FGF12: variants seen among roughly 807,000 people sequenced by gnomAD.
FGF12 encodes the protein fibroblast growth factor 12B.
In FGF12, 14 loss-of-function variants were observed where a neutral mutation model predicts 23.6. The ratio of observed to expected loss-of-function variants is 0.59; its 90% CI spans 0.39 to 0.93. FGF12 has a LOEUF of 0.93. Among genes scored for constraint, FGF12 ranks in the 40% least tolerant of loss-of-function variants. FGF12 has a pLI of 0.00. For missense variants in FGF12, 175 were observed against 217.8 expected, an observed-to-expected ratio of 0.80 and a Z score of 1.24; for synonymous variants, 62 against 77.3, an observed-to-expected ratio of 0.80 and a Z score of 1.04.
In FGF12 at chr3:192,514,950, G is replaced by T; in HGVS notation, c.14-154412C>A. 2.4e-6 allele frequency: 2 copies of T among 826,392 alleles called. No individual in the cohort carries two copies. The highest frequency in any genetic ancestry group is 2.9e-6 in the Non-Finnish European group (2 of 684,748). The allele number at this position is 826,392 out of a possible 1,614,324, so 51.2% of individuals were successfully genotyped here. A position where few individuals can be genotyped will look rare whatever the true frequency, so the allele number is the denominator to read the frequency against. ...GGCCGGGACGCGGAAGTGCCGGTCC[G>T]CCGGGGGCAGCCCTCCGAGAGCCCG... is the stretch of plus-strand genomic sequence containing the variant. On this transcript the variant is annotated intron_variant, in intron 2 of 5. Transcript: ENST00000445105. This position sits in a 1 kb window ranked among gnomAD's most constrained non-coding sequence, Gnocchi z 4.9.
intron 4 of FGF12, among the ~76,000 whole-genome samples, chr3:192,234,869 T>C (rs909861235): frequency 1.3e-5 from 2 of 152,200 alleles, no homozygotes; most frequent in African/African-American, 4.8e-5. Context: ...GATGAGCCAA[T>C]CTTACATCCC....
At chr3:192,442,893 C>T (rs1010173477) in intron 2 of FGF12, among the ~76,000 whole-genome samples, 5 of 151,600 alleles carry the variant, frequency 3.3e-5, no homozygotes, top group East Asian at 1.9e-4. Flanking sequence ...CTGCAACCTC[C>T]GCCCTCCGAG....
chr3:192,161,822 G>A (rs750749624), intron 5 of FGF12, among the ~76,000 whole-genome samples: 20 of 152,076 alleles, frequency 1.3e-4, no homozygotes, highest in Non-Finnish European at 2.6e-4. Context: ...TATTGTTGCT[G>A]TATTCTTGAC....
intron 2 of FGF12, among the ~76,000 whole-genome samples, chr3:192,610,498 C>T (rs1451060692): frequency 6.6e-6 from 1 of 151,972 alleles, no homozygotes; most frequent in African/African-American, 2.4e-5. Flanking sequence ...GTTGTTAACA[C>T]CTTATTCCAA....
intron 4 of FGF12, among the ~76,000 whole-genome samples, chr3:192,282,459 C>G (rs1714201989): frequency 6.6e-6 from 1 of 152,120 alleles, no homozygotes; most frequent in Non-Finnish European, 1.5e-5. Flanking sequence ...TGCCGTCCCT[C>G]CATACTCCCA....
intron 2 of FGF12, among the ~76,000 whole-genome samples, chr3:192,697,178 A>G (rs994042621): frequency 2.6e-5 from 4 of 152,128 alleles, no homozygotes; most frequent in African/African-American, 9.7e-5. Flanking sequence ...TAGCAATGCA[A>G]TGATTCCCCA....
chr3:192,379,077 A>C (rs1197202748), intron 2 of FGF12, among the ~76,000 whole-genome samples: 1 of 152,176 alleles, frequency 6.6e-6, no homozygotes, highest in East Asian at 1.9e-4. Context: ...TTCCTGCTAA[A>C]GACACGATTT....
At chr3:192,676,981 A>C (rs1717346867) in intron 2 of FGF12, among the ~76,000 whole-genome samples, 1 of 152,148 alleles carries the variant, frequency 6.6e-6, no homozygotes, top group African/African-American at 2.4e-5. Context: ...GCCCTAGAAA[A>C]CGAATTCGGT....
chr3:192,476,225 T>G (rs1723319959), intron 2 of FGF12, among the ~76,000 whole-genome samples: 1 of 152,116 alleles, frequency 6.6e-6, no homozygotes, highest in Non-Finnish European at 1.5e-5. Flanking sequence ...ATCTTGAAAC[T>G]TTTTTCTGCA....
rs1351207944 is a variant in FGF12, at chr3:192,477,334, AC to A, written c.14-116797del. On this transcript the variant is annotated intron_variant, in intron 2 of 5. Coordinates refer to ENST00000445105, the MANE Select transcript of FGF12 (RefSeq NM_004113.6). ...CCCTCAAAGAGTTCACATAGGGGAG[AC>A]CCCCAGGAAGAAAGCAGAGGTGGGA... Among the ~76,000 whole-genome samples, 8 of 152,112 alleles carry A rather than the reference AC, an allele frequency of 5.3e-5. No homozygotes were observed. The South Asian group carries it at 1.7e-3, about 32-fold the overall frequency.
rs192601383 is a variant in FGF12 at position 192,604,322 on chromosome 3, T to C, written c.13+122859A>G. ...TGAGGTGACGTACATCCTCAGCTTA[T>C]GAAGATAACAGGATTAAGAGATTAA... On this transcript the variant is annotated intron_variant, in intron 2 of 5. Coordinates refer to ENST00000445105, the MANE Select transcript of FGF12 (RefSeq NM_004113.6). Among the ~76,000 whole-genome samples the C allele has an allele frequency of 2.3e-4, 35 of 152,322 alleles. No individual in the cohort carries two copies. The East Asian group carries it at 6.7e-3, about 29-fold the overall frequency.
At chr3:192,382,910 T>C (rs1560093720) in intron 2 of FGF12, among the ~76,000 whole-genome samples, 1 of 152,164 alleles carries the variant, frequency 6.6e-6, no homozygotes, top group Non-Finnish European at 1.5e-5. Context: ...TAGAGACTGA[T>C]AACGAGAGAA....
intron 4 of FGF12, among the ~76,000 whole-genome samples, chr3:192,301,590 C>T (rs1715352320): frequency 6.6e-6 from 1 of 151,962 alleles, no homozygotes; most frequent in Non-Finnish European, 1.5e-5. Flanking sequence ...GAAAAGAGTA[C>T]TGTGGCAACA....
chr3:192,662,377 C>T (rs1428793568), intron 2 of FGF12, among the ~76,000 whole-genome samples: 1 of 152,148 alleles, frequency 6.6e-6, no homozygotes, highest in Non-Finnish European at 1.5e-5. Flanking sequence ...TGAATCATTG[C>T]AAAATCCAAA....
intron 2 of FGF12, among the ~76,000 whole-genome samples, chr3:192,683,712 A>G (rs1316891872): frequency 6.6e-6 from 1 of 152,148 alleles, no homozygotes; most frequent in East Asian, 1.9e-4. Context: ...TTTAAATGCT[A>G]CTCTGCGGGG....
intron 2 of FGF12, among the ~76,000 whole-genome samples, chr3:192,599,826 A>G (rs932414738): frequency 1.3e-5 from 2 of 152,110 alleles, no homozygotes; most frequent in African/African-American, 2.4e-5. Context: ...TTAAAAATAA[A>G]GTATCCAACT....
chr3:192,527,568 A>G (rs533919556), intron 2 of FGF12, among the ~76,000 whole-genome samples: 40 of 152,338 alleles, frequency 2.6e-4, no homozygotes, highest in African/African-American at 9.6e-4. Flanking sequence ...TATGAAAATC[A>G]CTGCAATAAT....
chr3:192,208,002 AAAAGGATTCATTTTAGG>A lies in FGF12; in HGVS notation c.229-37363_229-37347del, dbSNP rs1717741555. 2.0e-5 allele frequency among the ~76,000 whole-genome samples: 3 copies of A among 152,176 alleles called. No individual in the cohort carries two copies. The East Asian group carries it at 5.8e-4, about 29-fold the overall frequency. On this transcript the variant is annotated intron_variant, in intron 4 of 5. Coordinates refer to ENST00000445105, the MANE Select transcript of FGF12 (RefSeq NM_004113.6). Reference sequence around the variant, plus strand: ...ACTGCAGAAACATTCTCTGCTTCATAAAAGGATTCATTTTAGGATCCCAGAGTTCCTCTAAATAGCAA... The same window carrying A: ...ACTGCAGAAACATTCTCTGCTTCATAATCCCAGAGTTCCTCTAAATAGCAA...
chr3:192,423,379 G>A (rs867370927), intron 2 of FGF12, among the ~76,000 whole-genome samples: 1 of 152,118 alleles, frequency 6.6e-6, no homozygotes, highest in African/African-American at 2.4e-5. Flanking sequence ...ATCTAGAAGA[G>A]CGACTTAACA....
Sources: allele counts gnomAD v4.1 joint callset (sites outside exome capture counted in the v4.1 genomes callset), GRCh38; gene constraint gnomAD v4.1.1; non-coding constraint Gnocchi (gnomAD v3.1); transcripts MANE v1.5; gene names NCBI Gene and HGNC (gene_info 2026-07-23, HGNC 2026-07-21).